PLEKHA6: variants seen among roughly 807,000 people sequenced by gnomAD.
PLEKHA6 encodes the protein pleckstrin homology domain containing A6, also known as pleckstrin homology domain-containing family A member 6.
Under a neutral mutation model 116.7 loss-of-function variants are expected in PLEKHA6, and 60 were observed. The observed-to-expected ratio is 0.51, with a 90% CI of 0.42 to 0.64. The LOEUF (loss-of-function observed/expected upper bound fraction) is 0.64, where lower values mean the gene tolerates loss of function less well. PLEKHA6 is among the 30% of genes least tolerant of loss of function. PLEKHA6 has a pLI of 0.00. For missense variants in PLEKHA6, 1,338 were observed against 1,422.7 expected (o/e 0.94, Z 0.96); for synonymous variants, 489 against 556.1 (o/e 0.88, Z 1.70).
upstream of PLEKHA6, among the ~76,000 whole-genome samples, chr1:204,363,052 G>A (rs1265738194): frequency 6.6e-6 from 1 of 152,226 alleles, no homozygotes; most frequent in Admixed American, 6.5e-5. Flanking sequence ...GAGCTAGTGG[G>A]GTCACTGTAC....
At chr1:204,376,457 G>A (rs1673872544) in intron 1 of PLEKHA6, among the ~76,000 whole-genome samples, 1 of 152,200 alleles carries the variant, frequency 6.6e-6, no homozygotes, top group South Asian at 2.1e-4. Flanking sequence ...AACTTTAATG[G>A]AGTTAATTTC....
rs760108420 is a variant in PLEKHA6, at chr1:204,273,633, C to G, written c.95G>C (p.Ser32Thr). The change falls in exon 3 of 23, where the codon AGC becomes ACC. Residue 32 changes from serine to threonine, a missense_variant. This residue lies in a region of PLEKHA6 where 62 missense variants were observed against 61.7 expected (regional missense o/e 1.01). Coordinates refer to ENST00000272203, the MANE Select transcript of PLEKHA6 (RefSeq NM_014935.5). ...MVSEVPPERP[S>T]VRATRTARKA... ...CTTGAGGGCTGGACTTACCCGGACG[C>G]TGGGCCGCTCTGGAGGGACCTCGGA... The G allele has an allele frequency of 5.6e-6, 9 of 1,613,150 alleles. No individual in the cohort carries two copies. In the Admixed American group the frequency reaches 1.5e-4, roughly 27 times the overall value.
chr1:204,333,082 A>G (rs1004290693), intron 1 of PLEKHA6, among the ~76,000 whole-genome samples: 21 of 152,370 alleles, frequency 1.4e-4, no homozygotes, highest in African/African-American at 4.8e-4. Flanking sequence ...ACTAAGCCAG[A>G]GAAGACCCAG....
At chr1:204,363,478 G>C (rs1224710492), upstream of PLEKHA6, among the ~76,000 whole-genome samples, 2 of 152,210 alleles carry the variant, frequency 1.3e-5, no homozygotes, top group Non-Finnish European at 2.9e-5. Flanking sequence ...CTTGGGAACC[G>C]GGTTATCAGG....
rs1305355574 is a variant in PLEKHA6, at chr1:204,287,337, G to A, written c.-94-12528C>T. ...GCGTCCACCTCCTCCTCCAAGCCAA[G>A]GAATTCTTGTCCACACCCCCTCCAC... On this transcript the variant is annotated intron_variant, in intron 1 of 22. Transcript: ENST00000272203. Among the ~76,000 whole-genome samples, 4 of 151,948 alleles carry A rather than the reference G, an allele frequency of 2.6e-5. No homozygotes were observed. The East Asian group carries it at 7.8e-4, about 29-fold the overall frequency.
chr1:204,320,789 G>A (rs1486812584), intron 1 of PLEKHA6, among the ~76,000 whole-genome samples: 1 of 152,198 alleles, frequency 6.6e-6, no homozygotes, highest in Non-Finnish European at 1.5e-5. Flanking sequence ...TCTAGGGTAT[G>A]TGTGTGTAGA....
At chr1:204,301,961 G>A (rs1047284737) in intron 1 of PLEKHA6, among the ~76,000 whole-genome samples, 3 of 152,172 alleles carry the variant, frequency 2.0e-5, no homozygotes, top group Middle Eastern at 3.2e-3. Flanking sequence ...CTGCTATCTT[G>A]AGAAGACCTA....
intron 2 of PLEKHA6, chr1:204,368,519 A>G (rs1673713162): frequency 6.6e-6 from 1 of 152,310 alleles, no homozygotes; most frequent in African/African-American, 2.4e-5. Flanking sequence ...CAGTGTGAGC[A>G]AGGAAGTTGA....
At chr1:204,279,998 GA>G (rs1003312435) in intron 1 of PLEKHA6, among the ~76,000 whole-genome samples, 1 of 152,036 alleles carries the variant, frequency 6.6e-6, no homozygotes, top group African/African-American at 2.4e-5. Context: ...ATGAAGGAGC[GA>G]AAAAATGAAA....
At chr1:204,289,611 AC>A (rs1669545039) in intron 1 of PLEKHA6, among the ~76,000 whole-genome samples, 1 of 152,158 alleles carries the variant, frequency 6.6e-6, no homozygotes, top group Non-Finnish European at 1.5e-5. Context: ...CCTCAAGAGT[AC>A]CCCAGAGATC....
intron 1 of PLEKHA6, among the ~76,000 whole-genome samples, chr1:204,317,630 C>T (rs1362869752): frequency 6.6e-6 from 1 of 152,210 alleles, no homozygotes; most frequent in Admixed American, 6.5e-5. Flanking sequence ...CCCTGTCTTA[C>T]AGATAGTGTC....
intron 1 of PLEKHA6, chr1:204,317,172 AGTTAAACCAAAG>A: frequency 2.4e-5 from 20 of 831,454 alleles, no homozygotes; most frequent in East Asian, 1.2e-4. Flanking sequence ...TGTCTCAGAA[AGTTAAACCAAAG>A]AGTTAAGCAT....
intron 1 of PLEKHA6, chr1:204,308,912 A>G (rs1020671869): frequency 2.5e-5 from 4 of 157,980 alleles, no homozygotes; most frequent in Non-Finnish European, 4.1e-5. Flanking sequence ...GATGGTCTCG[A>G]TCTCCTGACC....
chr1:204,280,061 T>A (rs1266442529), intron 1 of PLEKHA6, among the ~76,000 whole-genome samples: 1 of 151,938 alleles, frequency 6.6e-6, no homozygotes, highest in Non-Finnish European at 1.5e-5. Context: ...AGGCTGGGAG[T>A]GCCAGGGGCA....
chr1:204,276,470 G>T (rs545292886), intron 1 of PLEKHA6, among the ~76,000 whole-genome samples: 1 of 152,210 alleles, frequency 6.6e-6, no homozygotes, highest in South Asian at 2.1e-4. Flanking sequence ...CTGGTGGTCT[G>T]GGGGGCAAGC....
intron 1 of PLEKHA6, among the ~76,000 whole-genome samples, chr1:204,345,281 C>T (rs1171429087): frequency 6.6e-6 from 1 of 151,884 alleles, no homozygotes; most frequent in Non-Finnish European, 1.5e-5. Flanking sequence ...GAGGTCTAGA[C>T]ACTCTCTGTC....
chr1:204,247,462 T>C lies in PLEKHA6; in HGVS notation c.1825-2A>G, dbSNP rs976407965. The C allele has an allele frequency of 1.2e-6, 2 of 1,606,158 alleles. No homozygotes were observed. Among genetic ancestry groups the C allele is most frequent in the Non-Finnish European group, 1.7e-6 (2 of 1,173,302 alleles). ...CTCTATGGTGCTGTTTGTCAGGGCC[T>C]ACGGGGGAAAGAGGCGTTCACTGAG... On this transcript the variant is annotated splice_acceptor_variant, in intron 12 of 22. Transcript: ENST00000272203. LOFTEE classifies it high-confidence loss of function.
intron 1 of PLEKHA6, among the ~76,000 whole-genome samples, chr1:204,285,112 C>T (rs1366760454): frequency 6.6e-6 from 1 of 152,176 alleles, no homozygotes; most frequent in African/African-American, 2.4e-5. Flanking sequence ...TAGTGGTTAC[C>T]ATACGGGACA....
chr1:204,332,718 A>G (rs908372182), intron 1 of PLEKHA6, among the ~76,000 whole-genome samples: 1 of 152,128 alleles, frequency 6.6e-6, no homozygotes, highest in Non-Finnish European at 1.5e-5. Context: ...ACAGGCCAAC[A>G]AGTCCCTCGC....
Sources: allele counts gnomAD v4.1 joint callset (sites outside exome capture counted in the v4.1 genomes callset), GRCh38; gene constraint gnomAD v4.1.1; regional missense constraint gnomAD v4.1.1; transcripts MANE v1.5; gene names NCBI Gene and HGNC (gene_info 2026-07-23, HGNC 2026-07-21).